PDE4D: variants seen among roughly 807,000 people sequenced by gnomAD.
The protein encoded by PDE4D is phosphodiesterase 4D.
In PDE4D, 24 loss-of-function variants were observed where a neutral mutation model predicts 87.4. The observed-to-expected ratio is 0.27, with a 90% CI of 0.20 to 0.39. The LOEUF (loss-of-function observed/expected upper bound fraction) is 0.39. Among genes scored for constraint, PDE4D ranks in the 10% least tolerant of loss-of-function variants. PDE4D has a pLI of 1.00. For synonymous variants in PDE4D, 384 were observed against 383.2 expected, an observed-to-expected ratio of 1.00 and a Z score of -0.02; for missense variants, 714 against 1,041.0, an observed-to-expected ratio of 0.69 and a Z score of 4.32.
At chr5:59,871,963 G>T (rs1325231336) in intron 1 of PDE4D, among the ~76,000 whole-genome samples, 3 of 151,888 alleles carry the variant, frequency 2.0e-5, no homozygotes, top group Non-Finnish European at 4.4e-5. Context: ...TGCCACTCAT[G>T]AGCTCTTCTT....
chr5:60,325,362 G>C (rs1437229088), intron 1 of PDE4D, among the ~76,000 whole-genome samples: 2 of 152,136 alleles, frequency 1.3e-5, no homozygotes, highest in Non-Finnish European at 2.9e-5. Flanking sequence ...GTGCCTGATT[G>C]TATATATCCC....
At chr5:59,926,918 C>G (rs1755354569) in intron 3 of PDE4D, among the ~76,000 whole-genome samples, 1 of 152,088 alleles carries the variant, frequency 6.6e-6, no homozygotes, top group Non-Finnish European at 1.5e-5. Flanking sequence ...ATCTGATGGC[C>G]TCACTGCTGC....
chr5:60,503,850 T>A (rs1421638684), intron 1 of PDE4D, among the ~76,000 whole-genome samples: 3 of 152,072 alleles, frequency 2.0e-5, no homozygotes, highest in Non-Finnish European at 4.4e-5. Flanking sequence ...GCAAACACAA[T>A]CAGGGTATCA....
At chr5:60,445,751 T>G (rs921362286) in intron 1 of PDE4D, among the ~76,000 whole-genome samples, 2 of 152,164 alleles carry the variant, frequency 1.3e-5, no homozygotes, top group Non-Finnish European at 2.9e-5. Flanking sequence ...TTAATAATAC[T>G]GTATTATAGA....
intron 1 of PDE4D, among the ~76,000 whole-genome samples, chr5:59,253,531 T>C (rs1760388405): frequency 6.6e-6 from 1 of 152,062 alleles, no homozygotes; most frequent in Admixed American, 6.6e-5. Flanking sequence ...CGATGGGATA[T>C]AGATGATGAT....
chr5:59,973,228 A>C (rs1760967666), intron 3 of PDE4D, among the ~76,000 whole-genome samples: 1 of 152,214 alleles, frequency 6.6e-6, no homozygotes, highest in Non-Finnish European at 1.5e-5. Flanking sequence ...TATTGATTGG[A>C]TAAACACTTA....
At position 59,038,947 on chromosome 5, in the gene PDE4D, C is replaced by T. The variant is rs767060983; in HGVS notation, c.833G>A (p.Ser278Asn). 6.3e-7 allele frequency: 1 copy of T among 1,596,370 alleles called. No homozygotes were observed. Among genetic ancestry groups the T allele is most frequent in the Admixed American group, 1.7e-5 (1 of 57,660 alleles). Residue 278 changes from serine to asparagine, a missense_variant, in exon 6 of 15, where the codon AGC (serine) becomes AAC (asparagine). By Grantham distance (46) the Ser-to-Asn change is conservative (BLOSUM62 1). Coordinates refer to ENST00000340635, the MANE Select transcript of PDE4D (RefSeq NM_001104631.2). ...ITEEAYQKLA[S>N]ETLEELDWCL... is the part of the protein sequence containing the mutation. The stretch of plus-strand genomic sequence containing the variant: ...CCAGTCCAGCTCCTCCAGGGTCTCG[C>T]TGGCCAGTTTCTGGTAGGCCTCCTC...
intron 2 of PDE4D, among the ~76,000 whole-genome samples, chr5:60,125,482 A>T (rs1779052890): frequency 6.6e-6 from 1 of 152,032 alleles, no homozygotes; most frequent in South Asian, 2.1e-4. Flanking sequence ...GTCTTCTCAG[A>T]TCCCCTTTAT....
intron 6 of PDE4D, among the ~76,000 whole-genome samples, chr5:59,015,478 C>G (rs2153369393): frequency 6.6e-6 from 1 of 152,244 alleles, no homozygotes; most frequent in African/African-American, 2.4e-5. Flanking sequence ...TGAACAGACA[C>G]TTCTCAAAAG....
At chr5:60,357,388 T>TA (rs144985926) in intron 1 of PDE4D, among the ~76,000 whole-genome samples, 14,626 of 150,526 alleles carry the variant, frequency 0.097, 783 homozygotes, top group African/African-American at 0.14. Flanking sequence ...GTTGTCTTTG[T>TA]AAAAAAAAAA....
At chr5:59,487,395 AG>A (rs1468775124) in intron 1 of PDE4D, among the ~76,000 whole-genome samples, 2 of 152,210 alleles carry the variant, frequency 1.3e-5, no homozygotes, top group Non-Finnish European at 2.9e-5. Context: ...TGTTCAGTTA[AG>A]AGGAAATAAG....
At chr5:60,229,365 A>G (rs112062828) in intron 1 of PDE4D, among the ~76,000 whole-genome samples, 1 of 152,118 alleles carries the variant, frequency 6.6e-6, no homozygotes, top group African/African-American at 2.4e-5. Context: ...CAAGGTTAAC[A>G]TATCTATTTT....
intron 1 of PDE4D, among the ~76,000 whole-genome samples, chr5:59,285,861 T>C (rs114594855): frequency 0.05 from 7,603 of 152,258 alleles, 215 homozygotes; most frequent in African/African-American, 0.067. Flanking sequence ...ATGAATGAGA[T>C]GGCTGTTTCT....
At chr5:59,620,152 GA>G (rs2150107277) in intron 1 of PDE4D, among the ~76,000 whole-genome samples, 1 of 152,190 alleles carries the variant, frequency 6.6e-6, no homozygotes, top group South Asian at 2.1e-4. Flanking sequence ...TTTTTATTGG[GA>G]AAAAAGGACA....
chr5:59,109,586 G>A (rs1055209070), intron 5 of PDE4D, among the ~76,000 whole-genome samples: 11 of 152,108 alleles, frequency 7.2e-5, no homozygotes, highest in Admixed American at 3.9e-4. Flanking sequence ...CTGACACTCC[G>A]CCCAATCCTA....
intron 1 of PDE4D, among the ~76,000 whole-genome samples, chr5:60,266,242 T>C (rs2149713263): frequency 6.6e-6 from 1 of 152,286 alleles, no homozygotes; most frequent in South Asian, 2.1e-4. Flanking sequence ...GTTAAATCTC[T>C]TGCAAGAAGT....
intron 5 of PDE4D, among the ~76,000 whole-genome samples, chr5:59,085,047 A>C (rs543431435): frequency 2.6e-5 from 4 of 152,264 alleles, no homozygotes; most frequent in African/African-American, 9.6e-5. Flanking sequence ...TTAGTTTGAC[A>C]ATTCTAATTC....
At chr5:60,261,039 G>A (rs533874703) in intron 1 of PDE4D, among the ~76,000 whole-genome samples, 2 of 152,064 alleles carry the variant, frequency 1.3e-5, no homozygotes, top group South Asian at 4.2e-4. Flanking sequence ...TTGTTTACTG[G>A]AATTTTGTCT....
intron 1 of PDE4D, among the ~76,000 whole-genome samples, chr5:59,239,329 TCTCC>T (rs1035173297): frequency 5.3e-5 from 8 of 152,072 alleles, no homozygotes; most frequent in Non-Finnish European, 8.8e-5. Context: ...CCTGTGAAAT[TCTCC>T]TCAACCCTGC....
Sources: gnomAD v4.1 joint callset for allele counts (sites outside exome capture counted in the v4.1 genomes callset) on GRCh38, gnomAD v4.1.1 for gene constraint, MANE v1.5 for transcripts, NCBI Gene and HGNC (gene_info 2026-07-23, HGNC 2026-07-21) for gene names.